Variants in CPVL observed in about 807,000 individuals in gnomAD.
CPVL encodes probable serine carboxypeptidase CPVL.
In CPVL, 51 loss-of-function variants were observed where a neutral mutation model predicts 63.7. That is an observed-to-expected ratio of 0.80 (90% CI 0.64 to 1.01). The LOEUF (loss-of-function observed/expected upper bound fraction) is 1.01. Ranked by LOEUF, CPVL falls within the 50% of genes least tolerant of loss-of-function variation. The pLI is 0.00. For missense variants in CPVL, 530 were observed against 573.1 expected (o/e 0.92, Z 0.77); for synonymous variants, 195 against 206.0 (o/e 0.95, Z 0.46).
intron 11 of CPVL, among the ~76,000 whole-genome samples, chr7:29,040,459 G>A (rs773268748): frequency 6.6e-6 from 1 of 152,138 alleles, no homozygotes; most frequent in African/African-American, 2.4e-5. Flanking sequence ...CACTCTCACT[G>A]TTGGCCATAC....
chr7:29,038,196 T>C (rs936837248), intron 11 of CPVL, among the ~76,000 whole-genome samples: 8 of 152,096 alleles, frequency 5.3e-5, no homozygotes, highest in Non-Finnish European at 1.2e-4. Flanking sequence ...CTCCCAAAAC[T>C]CAAATGTGGA....
chr7:29,132,706 T>C (rs1296128573), intron 1 of CPVL, among the ~76,000 whole-genome samples: 1 of 152,206 alleles, frequency 6.6e-6, no homozygotes, highest in Non-Finnish European at 1.5e-5. Flanking sequence ...CTTGCTCTTC[T>C]TTCTTATTTC....
intron 7 of CPVL, among the ~76,000 whole-genome samples, chr7:29,073,501 C>T (rs1171516888): frequency 1.3e-5 from 2 of 152,184 alleles, no homozygotes; most frequent in Admixed American, 6.5e-5. Flanking sequence ...CTACCCTCAA[C>T]CCCTGCCACC....
At chr7:29,012,631 T>C (rs1785966314) in intron 12 of CPVL, 1 of 152,204 alleles carries the variant, frequency 6.6e-6, no homozygotes, top group Non-Finnish European at 1.5e-5. Flanking sequence ...TTCAGGTCAA[T>C]GGCTGATTTG....
chr7:29,017,684 G>A (rs1458147654), intron 12 of CPVL, among the ~76,000 whole-genome samples: 1 of 152,186 alleles, frequency 6.6e-6, no homozygotes, highest in African/African-American at 2.4e-5. Context: ...TCTGTCTATA[G>A]GAGGTGGTCA....
At chr7:29,177,515 C>G (rs958515062) in intron 5 of CPVL, among the ~76,000 whole-genome samples, 7 of 151,372 alleles carry the variant, frequency 4.6e-5, no homozygotes, top group Non-Finnish European at 1.0e-4. Flanking sequence ...TGGCCTCCCA[C>G]AGTGCTGGGA....
intron 12 of CPVL, chr7:29,009,881 A>G (rs1251783007): frequency 6.6e-6 from 1 of 152,182 alleles, no homozygotes; most frequent in African/African-American, 2.4e-5. Flanking sequence ...ACAGCATGGT[A>G]AATATTCTTT....
At chr7:29,020,941 C>A (rs1388133310) in intron 12 of CPVL, among the ~76,000 whole-genome samples, 1 of 152,042 alleles carries the variant, frequency 6.6e-6, no homozygotes, top group Non-Finnish European at 1.5e-5. Flanking sequence ...TTTGGGAGGC[C>A]AAGGTGGGTG....
At chr7:29,019,610 T>A (rs1786754358) in intron 12 of CPVL, among the ~76,000 whole-genome samples, 1 of 152,206 alleles carries the variant, frequency 6.6e-6, no homozygotes, top group Non-Finnish European at 1.5e-5. Flanking sequence ...GAGAATGAGG[T>A]TGCTTTTTTG....
chr7:29,003,154 G>GCACACACACACACACACACA (rs535400256), intron 12 of CPVL, among the ~76,000 whole-genome samples: 2 of 123,784 alleles, frequency 1.6e-5, no homozygotes, highest in African/African-American at 7.8e-5. Flanking sequence ...ATGTGTATGT[G>GCACACACACACACACACACA]CACACACACA....
At chr7:29,169,478 G>A (rs1340076699) in intron 5 of CPVL, among the ~76,000 whole-genome samples, 2 of 151,954 alleles carry the variant, frequency 1.3e-5, no homozygotes, top group Non-Finnish European at 2.9e-5. Flanking sequence ...ATACAATAAT[G>A]TTATGTTAAA....
At chr7:29,082,842 T>G (rs553371071) in intron 7 of CPVL, among the ~76,000 whole-genome samples, 1 of 152,344 alleles carries the variant, frequency 6.6e-6, no homozygotes, top group Non-Finnish European at 1.5e-5. Context: ...CATCATGGTT[T>G]GTATCAACAT....
chr7:29,015,239 T>C (rs111755655), intron 12 of CPVL, among the ~76,000 whole-genome samples: 335 of 152,320 alleles, frequency 2.2e-3, no homozygotes, highest in African/African-American at 7.1e-3. Context: ...CTGCCAAATA[T>C]TCTGTCCACC....
At chr7:29,144,606 T>C (rs954919113) in intron 1 of CPVL, among the ~76,000 whole-genome samples, 9 of 152,094 alleles carry the variant, frequency 5.9e-5, no homozygotes, top group Non-Finnish European at 8.8e-5. Flanking sequence ...ATTTGGGTGC[T>C]AATAAACAGA....
rs184788720 is a variant in CPVL, at chr7:29,014,264, G to A, written c.1320+16313C>T. The stretch of plus-strand genomic sequence containing the variant: ...GAGGACATCCATCATTGTAGAAGGC[G>A]ACTGCTGGTGGGGGAGATGAAGACT... On this transcript the variant is annotated intron_variant, in intron 12 of 12. Coordinates refer to ENST00000265394, the MANE Select transcript of CPVL (RefSeq NM_031311.5). Among the ~76,000 whole-genome samples, 133 of 152,292 alleles carry A rather than the reference G, an allele frequency of 8.7e-4. 1 individual carries two copies. Among genetic ancestry groups the A allele is most frequent in the African/African-American group, 3.1e-3 (127 of 41,570 alleles).
rs1339341177 is a variant in CPVL, at chr7:29,096,539, G to A, written c.289-322C>T. ...ACATCTAGCATACTGCCTGGGGCAT[G>A]GTTATATATTTTTAGCTGTTTAAAC... On this transcript the variant is annotated intron_variant, in intron 3 of 12. Coordinates refer to ENST00000265394, the MANE Select transcript of CPVL (RefSeq NM_031311.5). 2.7e-5 allele frequency: 10 copies of A among 364,088 alleles called. No individual in the cohort carries two copies. The East Asian group carries it at 4.4e-4, about 16-fold the overall frequency. 22.6% of individuals were successfully genotyped at this position (364,088 alleles called of 1,614,324 possible).
At chr7:29,072,928 A>C (rs1370946736) in intron 7 of CPVL, among the ~76,000 whole-genome samples, 1 of 152,240 alleles carries the variant, frequency 6.6e-6, no homozygotes, top group African/African-American at 2.4e-5. Context: ...CTCTATTTCC[A>C]AACTTTTCCA....
chr7:29,112,594 A>C, intron 3 of CPVL, 110 bp downstream of exon 3: 2 of 693,590 alleles, frequency 2.9e-6, no homozygotes, highest in Non-Finnish European at 4.9e-6. Flanking sequence ...TTTTTAGAAA[A>C]AATCTATGAG....
chr7:29,074,425 G>A (rs1281144287), intron 7 of CPVL, among the ~76,000 whole-genome samples: 1 of 152,096 alleles, frequency 6.6e-6, no homozygotes, highest in Admixed American at 6.6e-5. Context: ...TACAATTTCT[G>A]TAAAATGACA....
Sources: gnomAD v4.1 joint callset for allele counts (sites outside exome capture counted in the v4.1 genomes callset) on GRCh38, gnomAD v4.1.1 for gene constraint, MANE v1.5 for transcripts, NCBI Gene and HGNC (gene_info 2026-07-23, HGNC 2026-07-21) for gene names.